CCBE1: variants seen among roughly 807,000 people sequenced by gnomAD.
CCBE1 encodes the protein collagen and calcium-binding EGF domain-containing protein 1.
CCBE1 carries 37 observed loss-of-function variants against 50.0 expected under a neutral mutation model. The observed-to-expected ratio is 0.74, with a 90% CI of 0.57 to 0.97. The LOEUF (loss-of-function observed/expected upper bound fraction) is 0.97. Ranked by LOEUF, CCBE1 falls within the 50% of genes least tolerant of loss-of-function variation. The probability of loss-of-function intolerance (pLI) is 0.00; values close to 1 mark genes in which losing one functional copy is unlikely to be tolerated. For missense variants in CCBE1, 538 were observed against 523.8 expected (o/e 1.03, Z -0.26); for synonymous variants, 234 against 203.7 (o/e 1.15, Z -1.27).
chr18:59,566,659 C>T (rs1038755203), intron 2 of CCBE1, among the ~76,000 whole-genome samples: 1 of 150,272 alleles, frequency 6.7e-6, no homozygotes, highest in African/African-American at 2.5e-5. Flanking sequence ...TTTGCAAATG[C>T]TGCTAATCTT....
At position 59,553,400 on chromosome 18, in the gene CCBE1, T is replaced by C. The variant is rs76983580; in HGVS notation, c.213-73162A>G. ...TGTTACAGTCATGCACAACCAAAGA[T>C]TGCTACACACACACAACCATTGAAC... is the stretch of plus-strand genomic sequence containing the variant. On this transcript the variant is annotated intron_variant, in intron 2 of 10. Transcript: ENST00000439986. 8.2e-3 allele frequency among the ~76,000 whole-genome samples: 1,247 copies of C among 152,270 alleles called. 20 individuals carry two copies. Among genetic ancestry groups the C allele is most frequent in the African/African-American group, 0.029 (1,200 of 41,548 alleles).
At chr18:59,512,692 C>T (rs1342004523) in intron 2 of CCBE1, among the ~76,000 whole-genome samples, 7 of 152,180 alleles carry the variant, frequency 4.6e-5, no homozygotes, top group African/African-American at 7.2e-5. Flanking sequence ...GGGTCCTGCT[C>T]TTAGAAACAG....
chr18:59,534,129 G>T (rs987129940), intron 2 of CCBE1, among the ~76,000 whole-genome samples: 1 of 152,112 alleles, frequency 6.6e-6, no homozygotes, highest in African/African-American at 2.4e-5. Flanking sequence ...TAAGATGTTG[G>T]CTAATGATAA....
chr18:59,453,243 A>G (rs778841975), intron 6 of CCBE1, among the ~76,000 whole-genome samples: 3 of 152,170 alleles, frequency 2.0e-5, no homozygotes, highest in Admixed American at 6.5e-5. Flanking sequence ...ACATCTGGAG[A>G]TATTGATCGA....
At chr18:59,488,509 G>A (rs745551961) in intron 2 of CCBE1, among the ~76,000 whole-genome samples, 1 of 152,096 alleles carries the variant, frequency 6.6e-6, no homozygotes, top group African/African-American at 2.4e-5. Context: ...TTATTAAATG[G>A]GGCTAAGGTA....
chr18:59,580,222 C>T (rs144022171), intron 2 of CCBE1, among the ~76,000 whole-genome samples: 5 of 152,160 alleles, frequency 3.3e-5, no homozygotes, highest in African/African-American at 4.8e-5. Flanking sequence ...CATATCTGAT[C>T]GCCTCCTTTG....
chr18:59,675,594 C>G (rs1411830390), intron 2 of CCBE1, among the ~76,000 whole-genome samples: 1 of 152,006 alleles, frequency 6.6e-6, no homozygotes, highest in East Asian at 1.9e-4. Flanking sequence ...TTTGATAATC[C>G]CCAGTGATTG....
At chr18:59,527,729 C>A (rs1197412091) in intron 2 of CCBE1, among the ~76,000 whole-genome samples, 1 of 152,156 alleles carries the variant, frequency 6.6e-6, no homozygotes, top group Non-Finnish European at 1.5e-5. Flanking sequence ...CTTTATTTCT[C>A]CTTCCAGTAT....
At chr18:59,653,358 T>G (rs1198200410) in intron 2 of CCBE1, among the ~76,000 whole-genome samples, 1 of 152,166 alleles carries the variant, frequency 6.6e-6, no homozygotes, top group Non-Finnish European at 1.5e-5. Flanking sequence ...CAGGTTAAGG[T>G]TAAACAATCT....
chr18:59,516,724 C>T (rs1444546611), intron 2 of CCBE1, among the ~76,000 whole-genome samples: 1 of 152,112 alleles, frequency 6.6e-6, no homozygotes, highest in African/African-American at 2.4e-5. Context: ...TGACCTAGTT[C>T]CTGAGACTTC....
intron 2 of CCBE1, among the ~76,000 whole-genome samples, chr18:59,510,806 T>A (rs956646464): frequency 6.6e-6 from 1 of 152,274 alleles, no homozygotes; most frequent in Non-Finnish European, 1.5e-5. Flanking sequence ...CTGATTATTG[T>A]ATATTGCATG....
chr18:59,499,010 T>C (rs1913486791), intron 2 of CCBE1, among the ~76,000 whole-genome samples: 1 of 152,200 alleles, frequency 6.6e-6, no homozygotes, highest in Admixed American at 6.5e-5. Flanking sequence ...AATAGTGCCA[T>C]GTGATTAAAC....
intron 2 of CCBE1, among the ~76,000 whole-genome samples, chr18:59,488,925 T>C (rs759827754): frequency 2.6e-4 from 40 of 151,816 alleles, no homozygotes; most frequent in Non-Finnish European, 2.1e-4. Context: ...AGCAGGGACA[T>C]CAGGACACAA....
chr18:59,571,312 T>G (rs1214597376), intron 2 of CCBE1, among the ~76,000 whole-genome samples: 2 of 152,102 alleles, frequency 1.3e-5, no homozygotes, highest in East Asian at 3.9e-4. Context: ...TATCCTTGAG[T>G]TCATGTCCTT....
intron 7 of CCBE1, among the ~76,000 whole-genome samples, chr18:59,442,401 A>G (rs2143629905): frequency 6.6e-6 from 1 of 152,272 alleles, no homozygotes; most frequent in East Asian, 1.9e-4. Context: ...TTTTCTGTTT[A>G]TGTGTATCAT....
intron 2 of CCBE1, among the ~76,000 whole-genome samples, chr18:59,662,262 C>A (rs554425612): frequency 6.6e-6 from 1 of 152,204 alleles, no homozygotes; most frequent in Non-Finnish European, 1.5e-5. Flanking sequence ...CAGCTGGGAA[C>A]GTGCATAGTG....
Position 59,545,562 on chromosome 18 carries a change from C to T in CCBE1, c.213-65324G>A, listed in dbSNP as rs147677246. On this transcript the variant is annotated intron_variant, in intron 2 of 10. Coordinates refer to ENST00000439986, the MANE Select transcript of CCBE1 (RefSeq NM_133459.4). Reference sequence around the variant, plus strand: ...TTTATCATTTACCCATTCCCTGACTCGTGGACTTTCATGTTCTAGTTTATT... The same window carrying T: ...TTTATCATTTACCCATTCCCTGACTTGTGGACTTTCATGTTCTAGTTTATT... Among the ~76,000 whole-genome samples, 31 of 152,282 alleles carry T rather than the reference C, an allele frequency of 2.0e-4. 1 individual carries two copies. The highest frequency in any genetic ancestry group is 6.0e-4 in the African/African-American group (25 of 41,560).
chr18:59,463,694 C>A (rs1911601471), intron 5 of CCBE1, among the ~76,000 whole-genome samples: 1 of 152,222 alleles, frequency 6.6e-6, no homozygotes, highest in African/African-American at 2.4e-5. Context: ...CCTATTATTT[C>A]TATATCCCAA....
chr18:59,629,923 CATTT>C (rs1006493290), intron 2 of CCBE1, among the ~76,000 whole-genome samples: 26 of 152,168 alleles, frequency 1.7e-4, no homozygotes, highest in African/African-American at 6.0e-4. Context: ...TCTGCGTGAC[CATTT>C]ATTAGCAAGG....
Sources: allele counts gnomAD v4.1 joint callset (sites outside exome capture counted in the v4.1 genomes callset), GRCh38; gene constraint gnomAD v4.1.1; transcripts MANE v1.5; gene names NCBI Gene and HGNC (gene_info 2026-07-23, HGNC 2026-07-21).